RPAP2: variants seen among roughly 807,000 people sequenced by gnomAD.
RPAP2 encodes the protein putative RNA polymerase II subunit B1 CTD phosphatase RPAP2.
In RPAP2, 52 loss-of-function variants were observed where a neutral mutation model predicts 73.1. The ratio of observed to expected loss-of-function variants is 0.71; its 90% confidence interval spans 0.57 to 0.90. The LOEUF is 0.90. RPAP2 is among the 40% of genes least tolerant of loss of function. The probability of loss-of-function intolerance (pLI) is 0.00; values close to 1 mark genes in which losing one functional copy is unlikely to be tolerated. For missense variants in RPAP2, 598 were observed against 701.8 expected (o/e 0.85, Z 1.67); for synonymous variants, 225 against 242.1 (o/e 0.93, Z 0.65).
At chr1:92,327,139 T>C (rs1378278767) in intron 8 of RPAP2, among the ~76,000 whole-genome samples, 3 of 152,238 alleles carry the variant, frequency 2.0e-5, no homozygotes, top group African/African-American at 7.2e-5. Flanking sequence ...ATCAAAATTA[T>C]ATCAAATATT....
intron 8 of RPAP2, among the ~76,000 whole-genome samples, chr1:92,329,562 C>G (rs1267383571): frequency 6.6e-6 from 1 of 152,178 alleles, no homozygotes; most frequent in African/African-American, 2.4e-5. Flanking sequence ...AGTTCCTTGC[C>G]TTTTCTGGTA....
At chr1:92,325,072 T>G (rs1652547750) in intron 8 of RPAP2, among the ~76,000 whole-genome samples, 1 of 152,188 alleles carries the variant, frequency 6.6e-6, no homozygotes, top group Admixed American at 6.5e-5. Context: ...TAATTGGTAC[T>G]CAGTAAATAG....
At chr1:92,353,967 T>A (rs2101352494) in intron 11 of RPAP2, among the ~76,000 whole-genome samples, 1 of 152,322 alleles carries the variant, frequency 6.6e-6, no homozygotes, top group Non-Finnish European at 1.5e-5. Flanking sequence ...GCTACTCTTT[T>A]TTTTATTCAT....
intron 11 of RPAP2, among the ~76,000 whole-genome samples, chr1:92,363,447 C>T (rs1241604456): frequency 1.3e-5 from 2 of 152,164 alleles, no homozygotes; most frequent in Non-Finnish European, 2.9e-5. Flanking sequence ...AACAGCGTGG[C>T]TGCAGATGCA....
Position 92,323,678 on chromosome 1 carries a change from G to A in RPAP2, c.758G>A (p.Gly253Asp), listed in dbSNP as rs200787442. 2 of 1,613,552 alleles carry A rather than the reference G, an allele frequency of 1.2e-6. No individual in the cohort carries two copies. The highest frequency in any genetic ancestry group is 4.5e-5 in the East Asian group (2 of 44,872). ...AAAAGCATAATGAAAAAGAAAGCTG[G>A]TCACAAAGCTAACTCCAAACACAAA... ...HQKSIMKKKA[G>D]HKANSKHKDK... Residue 253 changes from glycine (G) to aspartate (D), a missense_variant, in exon 8 of 13, where the codon GGT becomes GAT. This residue lies in a region of RPAP2 where 506 missense variants were observed against 612.8 expected (regional missense o/e 0.83). Transcript: ENST00000610020.
intron 6 of RPAP2, among the ~76,000 whole-genome samples, chr1:92,310,777 G>A (rs1020532913): frequency 1.3e-5 from 2 of 151,924 alleles, no homozygotes; most frequent in Non-Finnish European, 2.9e-5. Flanking sequence ...CATGCCTGTA[G>A]CCCCAGCTAC....
At chr1:92,386,893 G>A (rs1424835163) in intron 12 of RPAP2, 118 bp from the exon 13 acceptor site, 2 of 686,782 alleles carry the variant, frequency 2.9e-6, no homozygotes, top group African/African-American at 1.8e-5. Context: ...TGTATTTTTA[G>A]TAGAGATGGG....
At chr1:92,319,058 G>C (rs1652095586) in intron 6 of RPAP2, among the ~76,000 whole-genome samples, 1 of 152,142 alleles carries the variant, frequency 6.6e-6, no homozygotes, top group Non-Finnish European at 1.5e-5. Context: ...AGAGAAAAAA[G>C]GGAGAGGTTT....
intron 11 of RPAP2, among the ~76,000 whole-genome samples, chr1:92,357,842 A>G (rs570748841): frequency 6.6e-6 from 1 of 152,314 alleles, no homozygotes; most frequent in African/African-American, 2.4e-5. Flanking sequence ...CCTGAGATAA[A>G]TTCTTTAATG....
At chr1:92,354,962 G>A (rs1228738036) in intron 11 of RPAP2, among the ~76,000 whole-genome samples, 2 of 151,050 alleles carry the variant, frequency 1.3e-5, no homozygotes, top group Admixed American at 6.6e-5. Flanking sequence ...GCAGTGGCAC[G>A]ATCTCAGCTC....
At chr1:92,310,859 T>C (rs1220791249) in intron 6 of RPAP2, among the ~76,000 whole-genome samples, 1 of 152,172 alleles carries the variant, frequency 6.6e-6, no homozygotes, top group Non-Finnish European at 1.5e-5. Flanking sequence ...ATCACACCAT[T>C]GCGCTCCAGC....
At chr1:92,347,189 C>T (rs1653947682) in intron 11 of RPAP2, among the ~76,000 whole-genome samples, 1 of 152,132 alleles carries the variant, frequency 6.6e-6, no homozygotes, top group South Asian at 2.1e-4. Context: ...TTTTATCAAC[C>T]ATAAGAACAA....
intron 10 of RPAP2, among the ~76,000 whole-genome samples, chr1:92,344,758 A>C (rs1418517333): frequency 6.6e-6 from 1 of 152,126 alleles, no homozygotes; most frequent in Admixed American, 6.5e-5. Flanking sequence ...TGGTATTGTC[A>C]GTCTTTCATT....
chr1:92,306,235 G>A (rs1284299339), intron 5 of RPAP2, among the ~76,000 whole-genome samples: 3 of 152,156 alleles, frequency 2.0e-5, no homozygotes, highest in Non-Finnish European at 4.4e-5. Context: ...GGAAGTTAGT[G>A]TATAGGGTTT....
At chr1:92,373,737 A>C (rs1315096747) in intron 11 of RPAP2, among the ~76,000 whole-genome samples, 2 of 112,980 alleles carry the variant, frequency 1.8e-5, no homozygotes. Context: ...CTCTACTAAA[A>C]ATAAAAAAAA....
At chr1:92,306,882 A>G (rs1437920882) in intron 5 of RPAP2, among the ~76,000 whole-genome samples, 1 of 152,246 alleles carries the variant, frequency 6.6e-6, no homozygotes, top group Admixed American at 6.5e-5. Flanking sequence ...ATGTTTAAAA[A>G]TAGGCAAAAC....
At chr1:92,308,322 T>C (rs186458274) in intron 6 of RPAP2, among the ~76,000 whole-genome samples, 1 of 152,140 alleles carries the variant, frequency 6.6e-6, no homozygotes, top group Admixed American at 6.5e-5. Flanking sequence ...CCAGCTTCCT[T>C]GTTGGGAAAA....
chr1:92,319,607 G>T (rs1652127712), intron 6 of RPAP2, among the ~76,000 whole-genome samples: 1 of 152,116 alleles, frequency 6.6e-6, no homozygotes. Flanking sequence ...AAGGCAAAAA[G>T]TCTTACTGAC....
chr1:92,308,201 C>T (rs1393087804), intron 6 of RPAP2, among the ~76,000 whole-genome samples: 2 of 152,154 alleles, frequency 1.3e-5, no homozygotes, highest in Non-Finnish European at 1.5e-5. Context: ...CTCTGCCTGC[C>T]GATCCAATCC....
Sources: allele counts gnomAD v4.1 joint callset (sites outside exome capture counted in the v4.1 genomes callset), GRCh38; gene constraint gnomAD v4.1.1; regional missense constraint gnomAD v4.1.1; transcripts MANE v1.5; gene names NCBI Gene and HGNC (gene_info 2026-07-23, HGNC 2026-07-21).